MRPS28: variants seen among roughly 807,000 people sequenced by gnomAD.
MRPS28 encodes small ribosomal subunit protein bS1m.
MRPS28 carries 7 observed loss-of-function variants against 10.8 expected under a neutral mutation model. That is an observed-to-expected ratio of 0.65 (90% CI 0.37 to 1.22). The LOEUF (loss-of-function observed/expected upper bound fraction) is 1.22. Ranked by LOEUF, MRPS28 falls within the 50% of genes most tolerant of loss-of-function variation. MRPS28 has a pLI of 0.02. For synonymous variants in MRPS28, 121 were observed against 93.3 expected, an observed-to-expected ratio of 1.30 and a Z score of -1.71; for missense variants, 265 against 232.9, an observed-to-expected ratio of 1.14 and a Z score of -0.90.
chr8:79,958,421 C>A, intron 2 of MRPS28: 1 of 689,570 alleles, frequency 1.5e-6, no homozygotes, highest in South Asian at 1.5e-5. Flanking sequence ...AACAGCATAC[C>A]ACGAAATGGG....
At chr8:79,945,231 TATA>T (rs1412301622) in intron 2 of MRPS28, among the ~76,000 whole-genome samples, 1 of 152,108 alleles carries the variant, frequency 6.6e-6, no homozygotes, top group Non-Finnish European at 1.5e-5. Flanking sequence ...AATATGCATA[TATA>T]ATAACTATAG....
intron 2 of MRPS28, among the ~76,000 whole-genome samples, chr8:79,920,135 G>A (rs1810046143): frequency 6.6e-6 from 1 of 151,972 alleles, no homozygotes; most frequent in Non-Finnish European, 1.5e-5. Flanking sequence ...GTTTTTTATG[G>A]CTGCATAGTA....
chr8:79,952,627 C>A (rs542356973), intron 2 of MRPS28, among the ~76,000 whole-genome samples: 1 of 152,240 alleles, frequency 6.6e-6, no homozygotes, highest in South Asian at 2.1e-4. Flanking sequence ...TTACTACCTA[C>A]CCCCCTACAT....
chr8:79,986,630 AAC>A (rs1808188018), intron 2 of MRPS28, among the ~76,000 whole-genome samples: 1 of 152,086 alleles, frequency 6.6e-6, no homozygotes, highest in Non-Finnish European at 1.5e-5. Context: ...ATACACCAAT[AAC>A]AGACAAACAG....
chr8:79,961,981 C>T (rs1261148329), intron 2 of MRPS28, among the ~76,000 whole-genome samples: 1 of 152,056 alleles, frequency 6.6e-6, no homozygotes, highest in African/African-American at 2.4e-5. Context: ...TACTTAGGAA[C>T]ATTAATGTTA....
intron 2 of MRPS28, among the ~76,000 whole-genome samples, chr8:79,999,791 T>A (rs1350119368): frequency 6.6e-6 from 1 of 152,076 alleles, no homozygotes; most frequent in East Asian, 1.9e-4. Flanking sequence ...GAAATAACAT[T>A]ATCAGTCTGT....
chr8:79,998,724 T>C (rs1234777360), intron 2 of MRPS28, among the ~76,000 whole-genome samples: 1 of 152,222 alleles, frequency 6.6e-6, no homozygotes, highest in East Asian at 1.9e-4. Flanking sequence ...TGCAAAACTC[T>C]AGGGCGTTTT....
chr8:79,958,494 T>A, intron 2 of MRPS28: 2 of 596,370 alleles, frequency 3.4e-6, no homozygotes, highest in South Asian at 3.9e-5. Context: ...TAAAAATAAT[T>A]TTTATTGCTA....
intron 2 of MRPS28, among the ~76,000 whole-genome samples, chr8:79,979,272 G>C (rs1282753402): frequency 6.6e-6 from 1 of 152,098 alleles, no homozygotes; most frequent in African/African-American, 2.4e-5. Context: ...ATAGTGGTGG[G>C]AGCTCAGGCA....
At chr8:80,020,426 G>A (rs141739676) in intron 1 of MRPS28, among the ~76,000 whole-genome samples, 1 of 152,274 alleles carries the variant, frequency 6.6e-6, no homozygotes, top group African/African-American at 2.4e-5. Flanking sequence ...GGTTGAGGGG[G>A]CTTTAGAATT....
intron 2 of MRPS28, among the ~76,000 whole-genome samples, chr8:79,989,901 C>A (rs1404601357): frequency 6.6e-6 from 1 of 152,168 alleles, no homozygotes; most frequent in Non-Finnish European, 1.5e-5. Context: ...CACCTGTAAT[C>A]CCAGCAGTTT....
intron 1 of MRPS28, among the ~76,000 whole-genome samples, chr8:80,021,195 G>A (rs1809353006): frequency 6.6e-6 from 1 of 151,986 alleles, no homozygotes; most frequent in Non-Finnish European, 1.5e-5. Flanking sequence ...TAAAGACAGG[G>A]TTTCACCATG....
intron 2 of MRPS28, among the ~76,000 whole-genome samples, chr8:79,996,400 A>T (rs1808502550): frequency 6.6e-6 from 1 of 152,214 alleles, no homozygotes; most frequent in South Asian, 2.1e-4. Context: ...GATCTGAATA[A>T]CAAAACACCA....
chr8:80,002,554 A>C (rs1397519163), intron 2 of MRPS28, among the ~76,000 whole-genome samples: 7 of 152,174 alleles, frequency 4.6e-5, no homozygotes, highest in Non-Finnish European at 8.8e-5. Context: ...AAATATCTTT[A>C]CCTACATAAA....
intron 2 of MRPS28, among the ~76,000 whole-genome samples, chr8:79,964,784 G>GTTAC (rs1380585457): frequency 2.6e-5 from 4 of 152,082 alleles, no homozygotes; most frequent in African/African-American, 9.7e-5. Context: ...TTCAATAAAT[G>GTTAC]TTACCTATGA....
At chr8:79,960,474 G>C (rs997435484) in intron 2 of MRPS28, among the ~76,000 whole-genome samples, 3 of 152,062 alleles carry the variant, frequency 2.0e-5, no homozygotes, top group Non-Finnish European at 4.4e-5. Context: ...CCAAAGATAT[G>C]TGTACCAGAC....
intron 2 of MRPS28, among the ~76,000 whole-genome samples, chr8:79,974,441 G>T (rs545577421): frequency 3.1e-4 from 47 of 152,046 alleles, no homozygotes; most frequent in African/African-American, 7.0e-4. Context: ...TCGGGAGGCT[G>T]AGGCAAGGAG....
chr8:79,988,922 T>C (rs974554924), intron 2 of MRPS28, among the ~76,000 whole-genome samples: 1 of 152,160 alleles, frequency 6.6e-6, no homozygotes, highest in Admixed American at 6.6e-5. Context: ...TATAAAGCAC[T>C]TCCTAGAAGA....
intron 1 of MRPS28, among the ~76,000 whole-genome samples, chr8:80,008,824 G>C (rs1808943516): frequency 6.6e-6 from 1 of 152,174 alleles, no homozygotes; most frequent in African/African-American, 2.4e-5. Context: ...TACACTGTTG[G>C]TGGGACTGTA....
Sources: allele counts gnomAD v4.1 joint callset (sites outside exome capture counted in the v4.1 genomes callset), GRCh38; gene constraint gnomAD v4.1.1; transcripts MANE v1.5; gene names NCBI Gene and HGNC (gene_info 2026-07-23, HGNC 2026-07-21).